The following PRDX3 variants were observed in gnomAD, a reference collection of about 807,000 sequenced individuals.
PRDX3 encodes peroxiredoxin 3.
A neutral mutation model predicts 30.4 loss-of-function variants in PRDX3; 20 were observed. The ratio of observed to expected loss-of-function variants is 0.66; its 90% CI spans 0.46 to 0.96. The LOEUF (loss-of-function observed/expected upper bound fraction) is 0.96. Ranked by LOEUF, PRDX3 falls within the 40% of genes least tolerant of loss-of-function variation. The probability of loss-of-function intolerance (pLI) is 0.00; values close to 1 mark genes in which losing one functional copy is unlikely to be tolerated. For missense variants in PRDX3, 322 were observed against 318.3 expected (o/e 1.01, Z -0.09); for synonymous variants, 124 against 117.8 (o/e 1.05, Z -0.34).
intron 1 of PRDX3, among the ~76,000 whole-genome samples, 194 bp from the exon 2 acceptor site, chr10:119,177,347 G>A (rs1332981552): frequency 6.6e-6 from 1 of 152,104 alleles, no homozygotes; most frequent in Admixed American, 6.5e-5. Flanking sequence ...GAGACTGGAA[G>A]GTGGAGAGGA....
Position 119,177,649 on chromosome 10 carries a change from CAA to C in PRDX3, c.37-498_37-497del, listed in dbSNP as rs34339894. ...TCTAACCTGGGCGACAACTCCGTCT[CAA>C]AAAAAAAAAAAAAAAAAATCAGAAA... On this transcript the variant is annotated intron_variant, in intron 1 of 6. Transcript: ENST00000298510. 3.7e-3 allele frequency among the ~76,000 whole-genome samples: 350 copies of C among 94,848 alleles called. 1 individual carries two copies. The highest frequency in any genetic ancestry group is 0.01 in the African/African-American group (270 of 26,924). The allele number at this position is 94,848 out of a possible 152,430, so 62.2% of individuals were successfully genotyped here. A position where few individuals can be genotyped will look rare whatever the true frequency, so the allele number is the denominator to read the frequency against.
At position 119,177,110 on chromosome 10, in the gene PRDX3, G is replaced by A; in HGVS notation, c.80C>T (p.Thr27Ile). The change falls in exon 2 of 7, where the codon ACT becomes ATT. Residue 27 changes from threonine to isoleucine, a missense_variant. By Grantham distance (89) the Thr-to-Ile change is moderately conservative (BLOSUM62 -1). Coordinates refer to ENST00000298510, the MANE Select transcript of PRDX3 (RefSeq NM_006793.5). Reference protein sequence around the residue: ...VSAIPWGISATAALRPAACGR... With the variant: ...VSAIPWGISAIAALRPAACGR... ...ACATGCAGCAGGCCTGAGGGCTGCA[G>A]TGGCAGAAATGCCCCAAGGAATGGC... is the stretch of plus-strand genomic sequence containing the variant. The A allele has an allele frequency of 6.2e-7, 1 of 1,613,704 alleles. No individual in the cohort carries two copies. The highest frequency in any genetic ancestry group is 8.5e-7 in the Non-Finnish European group (1 of 1,179,816).
intron 2 of PRDX3, among the ~76,000 whole-genome samples, chr10:119,175,026 A>G (rs1032513750): frequency 1.3e-5 from 2 of 152,254 alleles, no homozygotes; most frequent in African/African-American, 4.8e-5. Flanking sequence ...CCACAGATGC[A>G]GAATCCAGAT....
chr10:119,178,360 C>G (rs1356144028), intron 1 of PRDX3, among the ~76,000 whole-genome samples: 2 of 152,170 alleles, frequency 1.3e-5, no homozygotes, highest in African/African-American at 2.4e-5. Context: ...CGTTTTTATC[C>G]AGTATTTAAG....
chr10:119,177,102 G>A lies in PRDX3; in HGVS notation c.88C>T (p.Leu30Phe). ...GTTCTTCCACATGCAGCAGGCCTGA[G>A]GGCTGCAGTGGCAGAAATGCCCCAA... ...IPWGISATAALRPAACGRTSL... is the reference protein window; with the variant it reads ...IPWGISATAAFRPAACGRTSL... The change falls in exon 2 of 7, where the codon CTC becomes TTC. Residue 30 changes from leucine (L) to phenylalanine (F), a missense_variant. By Grantham distance (22) the Leu-to-Phe change is conservative. Coordinates refer to ENST00000298510, the MANE Select transcript of PRDX3 (RefSeq NM_006793.5). 6.2e-7 allele frequency: 1 copy of A among 1,613,782 alleles called. No homozygotes were observed.
Position 119,174,563 on chromosome 10 carries a change from G to A in PRDX3, c.199C>T (p.Gln67Ter), listed in dbSNP as rs1215769487. 2 of 1,605,192 alleles carry A rather than the reference G, an allele frequency of 1.2e-6. No homozygotes were observed. The highest frequency in any genetic ancestry group is 2.2e-5 in the South Asian group (2 of 88,986). ...SSSCHAPAVT[Q>*]HAPYFKGTAV... ...GTACCCTTAAAATAGGGTGCATGCT[G>A]GGTGACAGCAGGTGCATGGCATGAG... The change falls in exon 3 of 7, where the codon CAG (glutamine) becomes TAG (stop). Residue 67 changes from glutamine to a stop codon, truncating the protein, a stop_gained. Coordinates refer to ENST00000298510, the MANE Select transcript of PRDX3 (RefSeq NM_006793.5). LOFTEE classifies it high-confidence loss of function.
chr10:119,173,129 G>A (rs34983296), intron 4 of PRDX3, among the ~76,000 whole-genome samples: 65,884 of 151,592 alleles, frequency 0.43, 16,464 homozygotes, highest in South Asian at 0.55. Context: ...TAGTAGAGAT[G>A]GGGTTTCACC....
At position 119,169,320 on chromosome 10, in the gene PRDX3, T is replaced by C. The variant is rs1201799988; in HGVS notation, c.574A>G (p.Asn192Asp). 1.2e-6 allele frequency: 2 copies of C among 1,613,992 alleles called. No homozygotes were observed. Among genetic ancestry groups the C allele is most frequent in the South Asian group, 2.2e-5 (2 of 91,066 alleles). The stretch of plus-strand genomic sequence containing the variant: ...ACGCTCAAATGCTTGATGACTCCAT[T>C]GGGGTCAATTATGAAGAGACCTCTG... ...ALRGLFIIDP[N>D]GVIKHLSVND... Residue 192 changes from asparagine to aspartate, a missense_variant, in exon 6 of 7, where the codon AAT (asparagine) becomes GAT (aspartate). Asn to Asp is a conservative substitution (Grantham distance 23). Coordinates refer to ENST00000298510, the MANE Select transcript of PRDX3 (RefSeq NM_006793.5).
At position 119,169,178 on chromosome 10, in the gene PRDX3, G is replaced by A. The variant is rs768138530; in HGVS notation, c.716C>T (p.Thr239Met). 3.8e-5 allele frequency: 61 copies of A among 1,611,926 alleles called. No individual in the cohort carries two copies. Among genetic ancestry groups the A allele is most frequent in the East Asian group, 6.7e-5 (3 of 44,880 alleles). ...CTGCTTTTGGGGAAAAAAACCTACC[G>A]TAGGAGAATCCGGTGTCCAGTTCGC... is the stretch of plus-strand genomic sequence containing the variant. ...CPANWTPDSPTIKPSPAASKE... is the reference protein window; with the variant it reads ...CPANWTPDSPMIKPSPAASKE... Residue 239 changes from threonine to methionine, a missense_variant and splice_region_variant, in exon 6 of 7, where the codon ACG (threonine) becomes ATG (methionine). Thr to Met is a moderately conservative substitution (Grantham distance 81). Transcript: ENST00000298510.
At chr10:119,177,649 CAAAAAAAAA>C (rs34339894) in intron 1 of PRDX3, among the ~76,000 whole-genome samples, 2 of 94,902 alleles carry the variant, frequency 2.1e-5, no homozygotes, top group East Asian at 2.8e-4. Context: ...AACTCCGTCT[CAAAAAAAAA>C]AAAAAAAAAA....
intron 2 of PRDX3, among the ~76,000 whole-genome samples, 171 bp downstream of exon 2, chr10:119,176,850 C>A (rs1312676206): frequency 6.6e-6 from 1 of 152,234 alleles, no homozygotes; most frequent in African/African-American, 2.4e-5. Flanking sequence ...CCCGGCACAT[C>A]CTGGTCTCAC....
chr10:119,177,271 C>A (rs1848057497), intron 1 of PRDX3, 118 bp from the exon 2 acceptor site: 4 of 982,524 alleles, frequency 4.1e-6, no homozygotes, highest in East Asian at 2.6e-5. Flanking sequence ...ATAGCAAACC[C>A]CAAACTCTAA....
rs867357649 is a variant in PRDX3, at chr10:119,170,763, C to T, written c.552-1421G>A. 181 of 151,856 alleles carry T rather than the reference C, an allele frequency of 1.2e-3. 1 individual carries two copies. Among genetic ancestry groups the T allele is most frequent in the African/African-American group, 4.3e-3 (177 of 41,436 alleles). The allele number at this position is 151,856 out of a possible 1,614,324, so 9.4% of individuals were successfully genotyped here. A position where few individuals can be genotyped will look rare whatever the true frequency, so the allele number is the denominator to read the frequency against. On this transcript the variant is annotated intron_variant, in intron 5 of 6. Coordinates refer to ENST00000298510, the MANE Select transcript of PRDX3 (RefSeq NM_006793.5). ...TACAAAAATTGGCCGGGCGTGGTGG[C>T]GTGTGCCTGTAATCCCAGCTACTCG...
chr10:119,171,589 G>A (rs1300326588), intron 5 of PRDX3, among the ~76,000 whole-genome samples: 1 of 152,172 alleles, frequency 6.6e-6, no homozygotes, highest in African/African-American at 2.4e-5. Context: ...GGTTTAATAA[G>A]GGACTGAATA....
chr10:119,173,442 T>C (rs768883586), intron 4 of PRDX3, among the ~76,000 whole-genome samples: 1 of 151,964 alleles, frequency 6.6e-6, no homozygotes, highest in African/African-American at 2.4e-5. Flanking sequence ...ACACCCCGTC[T>C]CTACTAAAAA....
chr10:119,177,772 G>A lies in PRDX3; in HGVS notation c.37-619C>T, dbSNP rs1160168483. The stretch of plus-strand genomic sequence containing the variant: ...GCTGAGTATGTTCTACCATTTCAAG[G>A]TTTTCCTTAGAAAAACAAGGCCCCT... On this transcript the variant is annotated intron_variant, in intron 1 of 6. Coordinates refer to ENST00000298510, the MANE Select transcript of PRDX3 (RefSeq NM_006793.5). Among the ~76,000 whole-genome samples, 4 of 151,204 alleles carry A rather than the reference G, an allele frequency of 2.6e-5. No individual in the cohort carries two copies. In the South Asian group the frequency reaches 6.2e-4, roughly 24 times the overall value.
chr10:119,176,957 G>C, intron 2 of PRDX3, 64 bp downstream of exon 2: 1 of 1,601,704 alleles, frequency 6.2e-7, no homozygotes, highest in South Asian at 1.1e-5. Flanking sequence ...CAGAGCCCCT[G>C]TCCAGAGACG....
At chr10:119,175,848 G>A (rs1015413069) in intron 2 of PRDX3, among the ~76,000 whole-genome samples, 2 of 146,656 alleles carry the variant, frequency 1.4e-5, no homozygotes, top group Non-Finnish European at 3.0e-5. Flanking sequence ...GCATGGTCTC[G>A]GCTCACTGCA....
At chr10:119,169,120 A>C (rs754657221) in intron 6 of PRDX3, 57 bp downstream of exon 6, 156 of 1,577,362 alleles carry the variant, frequency 9.9e-5, no homozygotes, top group Non-Finnish European at 1.3e-4. Flanking sequence ...TTTCAGGTCA[A>C]TAGCTCTCGA....
Sources: allele counts gnomAD v4.1 joint callset (sites outside exome capture counted in the v4.1 genomes callset), GRCh38; gene constraint gnomAD v4.1.1; transcripts MANE v1.5; gene names NCBI Gene and HGNC (gene_info 2026-07-23, HGNC 2026-07-21).